The following UQCRH variants were observed in gnomAD, a reference collection of about 807,000 sequenced individuals.
UQCRH encodes the protein ubiquinol-cytochrome c reductase hinge protein, also known as cytochrome b-c1 complex subunit 6, mitochondrial.
In UQCRH, 14 loss-of-function variants were observed where a neutral mutation model predicts 16.3. The observed-to-expected ratio is 0.86, with a 90% CI of 0.57 to 1.34. UQCRH has a LOEUF of 1.34. Ranked by LOEUF, UQCRH falls within the 40% of genes most tolerant of loss-of-function variation. The pLI is 0.00. For missense variants in UQCRH, 89 were observed against 111.9 expected (o/e 0.80, Z 0.92); for synonymous variants, 41 against 41.9 (o/e 0.98, Z 0.08).
intron 1 of UQCRH, among the ~76,000 whole-genome samples, chr1:46,308,714 G>A (rs1661416350): frequency 1.3e-5 from 2 of 152,178 alleles, no homozygotes; most frequent in African/African-American, 2.4e-5. Flanking sequence ...TGTGGCGTGT[G>A]CTTATAGTCC....
In UQCRH at chr1:46,313,702, A is replaced by T. The variant is rs72883435; in HGVS notation, c.244-2850A>T. Among the ~76,000 whole-genome samples the T allele has an allele frequency of 8.4e-3, 1,277 of 151,474 alleles. 20 individuals carry two copies. The highest frequency in any genetic ancestry group is 0.038 in the Middle Eastern group (11 of 290). ...ATAGATAGATATAGATAACCAGGCA[A>T]GCTGGCTCACACCTGTAGTCCTAGC... On this transcript the variant is annotated intron_variant, in intron 3 of 3. Coordinates refer to ENST00000311672, the MANE Select transcript of UQCRH (RefSeq NM_006004.4).
chr1:46,313,636 TATAGACAG>T lies in UQCRH; in HGVS notation c.244-2910_244-2903del, dbSNP rs1383663794. Among the ~76,000 whole-genome samples, 9 of 135,576 alleles carry T rather than the reference TATAGACAG, an allele frequency of 6.6e-5. No homozygotes were observed. The South Asian group carries it at 1.2e-3, about 18-fold the overall frequency. 88.9% of individuals were successfully genotyped at this position (135,576 alleles called of 152,430 possible). On this transcript the variant is annotated intron_variant, in intron 3 of 3. Transcript: ENST00000311672. The stretch of plus-strand genomic sequence containing the variant: ...AGAGCGAGACTTCATCTCAAAAAAA[TATAGACAG>T]ATAGATAGATAGATAGATAGATAGA...
At chr1:46,311,074 C>CAAA (rs1196243713) in intron 3 of UQCRH, among the ~76,000 whole-genome samples, 6 of 144,842 alleles carry the variant, frequency 4.1e-5, no homozygotes, top group Non-Finnish European at 6.0e-5. Flanking sequence ...GACTCCATCT[C>CAAA]AAAAAAAAAA....
chr1:46,315,173 G>A (rs997980921), intron 3 of UQCRH, among the ~76,000 whole-genome samples: 5 of 152,062 alleles, frequency 3.3e-5, no homozygotes, highest in Admixed American at 6.6e-5. Flanking sequence ...GGCCAGGTGC[G>A]GTGGCTCACG....
At chr1:46,311,535 G>A (rs1374741242) in intron 3 of UQCRH, among the ~76,000 whole-genome samples, 6 of 148,504 alleles carry the variant, frequency 4.0e-5, no homozygotes, top group African/African-American at 1.2e-4. Flanking sequence ...CCAAGGTTGC[G>A]CCAAAAAAAA....
At chr1:46,316,203 A>G (rs79410493) in intron 3 of UQCRH, among the ~76,000 whole-genome samples, 72 of 152,352 alleles carry the variant, frequency 4.7e-4, no homozygotes, top group African/African-American at 1.7e-3. Flanking sequence ...CTCAGCACTT[A>G]GAACACTACC....
intron 3 of UQCRH, among the ~76,000 whole-genome samples, chr1:46,311,359 C>G (rs1661470845): frequency 6.7e-6 from 1 of 150,298 alleles, no homozygotes; most frequent in African/African-American, 2.4e-5. Flanking sequence ...GCGGGCGGAT[C>G]ACGAGGTCAG....
intron 3 of UQCRH, 29 bp downstream of exon 3, chr1:46,310,345 A>C (rs756613690): frequency 6.2e-7 from 1 of 1,613,844 alleles, no homozygotes; most frequent in Non-Finnish European, 8.5e-7. Flanking sequence ...AGGAAGGGGA[A>C]AGGTTGCAAT....
At chr1:46,314,956 TATGGTTGTAGA>T (rs1661554957) in intron 3 of UQCRH, among the ~76,000 whole-genome samples, 1 of 152,148 alleles carries the variant, frequency 6.6e-6, no homozygotes, top group African/African-American at 2.4e-5. Context: ...TAGGGGACTG[TATGGTTGTAGA>T]ACAATGGGAA....
At chr1:46,308,998 C>T (rs1346686355) in intron 1 of UQCRH, 103 bp from the exon 2 acceptor site, 4 of 1,314,794 alleles carry the variant, frequency 3.0e-6, no homozygotes, top group Non-Finnish European at 4.3e-6. Context: ...AAAATAACAT[C>T]GTTAATAGTG....
intron 2 of UQCRH, chr1:46,309,602 G>T (rs568744517): frequency 5.5e-6 from 1 of 180,832 alleles, no homozygotes; most frequent in Non-Finnish European, 1.2e-5. Context: ...CCCGAGAGGC[G>T]GAGGTTGTGG....
chr1:46,306,855 C>T (rs1569683653), intron 1 of UQCRH, among the ~76,000 whole-genome samples: 1 of 152,124 alleles, frequency 6.6e-6, no homozygotes, highest in African/African-American at 2.4e-5. Context: ...TTGGTGGCTT[C>T]ACTGAATGGC....
chr1:46,316,574 A>G lies in UQCRH; in HGVS notation c.266A>G (p.Asn89Ser), dbSNP rs1661591172. 6.2e-7 allele frequency: 1 copy of G among 1,613,014 alleles called. No homozygotes were observed. Among genetic ancestry groups the G allele is most frequent in the Admixed American group, 1.7e-5 (1 of 59,900 alleles). ...DHCVAHKLFN[N>S]LK ...TAGGTGGCCCACAAACTCTTTAACA[A>G]CTTGAAATAAATGTGTGGACTTAAT... Residue 89 changes from asparagine to serine, a missense_variant, in exon 4 of 4, where the codon AAC becomes AGC. Physicochemically the swap from Asn to Ser is conservative, Grantham distance 46. Coordinates refer to ENST00000311672, the MANE Select transcript of UQCRH (RefSeq NM_006004.4).
Position 46,315,143 on chromosome 1 carries a change from T to TA in UQCRH, c.244-1403dup, listed in dbSNP as rs556893729. On this transcript the variant is annotated intron_variant, in intron 3 of 3. Transcript: ENST00000311672. ...TGGTGAAACCTTGTCTCTACTAAAA[T>TA]AAAAAATTAGCTGAGTGTAGGCCAG... 7.1e-4 allele frequency among the ~76,000 whole-genome samples: 108 copies of TA among 152,104 alleles called. No individual in the cohort carries two copies. In the South Asian group the frequency reaches 0.02, roughly 28 times the overall value.
rs1236185523 is a variant in UQCRH at position 46,310,158 on chromosome 1, C to G, written c.85C>G (p.Pro29Ala). The change falls in exon 3 of 4, where the codon CCC becomes GCC. Residue 29 changes from proline to alanine, a missense_variant. Transcript: ENST00000311672. Reference protein sequence around the residue: ...EEEEEEELVDPLTTVREQCEQ... With the variant: ...EEEEEEELVDALTTVREQCEQ... ...TTTTTTTCTGTTTCTACATCAGGAT[C>G]CCCTAACAACAGTGAGAGAGCAATG... The G allele has an allele frequency of 1.9e-6, 3 of 1,614,178 alleles. No homozygotes were observed. Among genetic ancestry groups the G allele is most frequent in the Non-Finnish European group, 2.5e-6 (3 of 1,180,036 alleles).
intron 3 of UQCRH, among the ~76,000 whole-genome samples, chr1:46,313,425 G>C (rs1661518104): frequency 6.6e-6 from 1 of 151,916 alleles, no homozygotes; most frequent in Non-Finnish European, 1.5e-5. Flanking sequence ...TCAGGAGATC[G>C]AGACCAGCCT....
At chr1:46,310,587 A>T (rs1302972299) in intron 3 of UQCRH, among the ~76,000 whole-genome samples, 1 of 152,174 alleles carries the variant, frequency 6.6e-6, no homozygotes, top group Non-Finnish European at 1.5e-5. Context: ...TGGCCTCCCA[A>T]GTAGCTGGGA....
Position 46,310,219 on chromosome 1 carries a change from G to T in UQCRH, c.146G>T (p.Arg49Leu), listed in dbSNP as rs762474674. 1 of 1,614,190 alleles carries T rather than the reference G, an allele frequency of 6.2e-7. No individual in the cohort carries two copies. The highest frequency in any genetic ancestry group is 8.5e-7 in the Non-Finnish European group (1 of 1,180,040). Residue 49 changes from arginine (R) to leucine (L), a missense_variant, in exon 3 of 4, where the codon CGG becomes CTG. By Grantham distance (102) the Arg-to-Leu change is moderately radical. Coordinates refer to ENST00000311672, the MANE Select transcript of UQCRH (RefSeq NM_006004.4). ...QLEKCVKARE[R>L]LELCDERVSS... ...GAGAAATGTGTAAAGGCCCGGGAGC[G>T]GCTAGAGCTCTGTGATGAGCGTGTA...
intron 3 of UQCRH, among the ~76,000 whole-genome samples, chr1:46,314,365 A>C (rs1032740365): frequency 1.4e-4 from 17 of 124,620 alleles, no homozygotes; most frequent in East Asian, 1.1e-3. Flanking sequence ...ACTCCGTCTC[A>C]AAAAAAAAAA....
Sources: gnomAD v4.1 joint callset for allele counts (sites outside exome capture counted in the v4.1 genomes callset) on GRCh38, gnomAD v4.1.1 for gene constraint, MANE v1.5 for transcripts, NCBI Gene and HGNC (gene_info 2026-07-23, HGNC 2026-07-21) for gene names.